GPR107: variants seen among roughly 807,000 people sequenced by gnomAD.
The protein encoded by GPR107 is protein GPR107.
Under a neutral mutation model 75.5 loss-of-function variants are expected in GPR107, and 31 were observed. That is an observed-to-expected ratio of 0.41 (90% confidence interval 0.31 to 0.55). GPR107 has a LOEUF of 0.55. Among genes scored for constraint, GPR107 ranks in the 20% least tolerant of loss-of-function variants. The pLI is 0.26. For missense variants in GPR107, 572 were observed against 665.7 expected, an observed-to-expected ratio of 0.86 and a Z score of 1.55; for synonymous variants, 267 against 251.3, an observed-to-expected ratio of 1.06 and a Z score of -0.59.
At chr9:130,105,203 A>G (rs1262095671) in intron 13 of GPR107, among the ~76,000 whole-genome samples, 2 of 152,194 alleles carry the variant, frequency 1.3e-5, no homozygotes, top group African/African-American at 2.4e-5. Flanking sequence ...CTTTTGAAAT[A>G]AATTTTAAAG....
intron 7 of GPR107, among the ~76,000 whole-genome samples, chr9:130,089,450 TTGGA>T (rs1239607335): frequency 6.6e-6 from 1 of 152,156 alleles, no homozygotes; most frequent in Non-Finnish European, 1.5e-5. Context: ...TCTCCCAGTC[TTGGA>T]TGGTGCAGTC....
chr9:130,060,871 C>T (rs986854563), intron 1 of GPR107, among the ~76,000 whole-genome samples: 1 of 152,162 alleles, frequency 6.6e-6, no homozygotes, highest in Non-Finnish European at 1.5e-5. Context: ...TCACTGCTGT[C>T]GAGTGCAGTG....
At chr9:130,100,914 T>C (rs535165467) in intron 11 of GPR107, among the ~76,000 whole-genome samples, 192 bp from the exon 12 acceptor site, 1 of 152,362 alleles carries the variant, frequency 6.6e-6, no homozygotes, top group South Asian at 2.1e-4. Flanking sequence ...GGCCATTGGC[T>C]GTCCAGGCTG....
At chr9:130,133,684 G>A (rs890467053) in intron 17 of GPR107, among the ~76,000 whole-genome samples, 12 of 152,192 alleles carry the variant, frequency 7.9e-5, no homozygotes, top group Admixed American at 6.5e-4. Context: ...CTTCAGCTGA[G>A]GCATTTTCGT....
intron 1 of GPR107, among the ~76,000 whole-genome samples, chr9:130,069,602 T>C (rs942092316): frequency 2.6e-5 from 4 of 152,222 alleles, no homozygotes; most frequent in African/African-American, 7.2e-5. Flanking sequence ...TTATTTGACA[T>C]GACACGATAG....
intron 6 of GPR107, among the ~76,000 whole-genome samples, chr9:130,083,885 A>T (rs1373444675): frequency 6.6e-6 from 1 of 152,030 alleles, no homozygotes; most frequent in Non-Finnish European, 1.5e-5. Flanking sequence ...AGTACTCATG[A>T]TACCTAATAC....
Position 130,104,455 on chromosome 9 carries a change from C to T in GPR107, c.1167C>T (p.Ser389=), listed in dbSNP as rs1212167862. The part of the protein sequence containing the change: ...LANVAYIIIE[S]TEEGTTEYGL... ...ATGTAGCCTACATCATCATAGAGTC[C>T]ACCGAGGAGGGCACGACTGAATATG... The change falls in exon 13 of 18, where the codon TCC becomes TCT. Residue 389 remains serine (S), a synonymous_variant. Coordinates refer to ENST00000347136, the MANE Select transcript of GPR107 (RefSeq NM_020960.5). 1.2e-6 allele frequency: 2 copies of T among 1,613,316 alleles called. No individual in the cohort carries two copies. The highest frequency in any genetic ancestry group is 1.3e-5 in the African/African-American group (1 of 74,926).
At chr9:130,091,472 C>T (rs1830735268) in intron 8 of GPR107, among the ~76,000 whole-genome samples, 1 of 151,038 alleles carries the variant, frequency 6.6e-6, no homozygotes, top group South Asian at 2.1e-4. Flanking sequence ...AAGGGTGAGA[C>T]CCTGTCTCAA....
intron 14 of GPR107, among the ~76,000 whole-genome samples, chr9:130,110,591 A>G (rs775746371): frequency 2.0e-5 from 3 of 152,210 alleles, no homozygotes; most frequent in Non-Finnish European, 4.4e-5. Context: ...TGAGGCTGTG[A>G]GATGCTTTTG....
chr9:130,122,890 A>G (rs1831580485), intron 14 of GPR107, among the ~76,000 whole-genome samples: 1 of 152,044 alleles, frequency 6.6e-6, no homozygotes, highest in Non-Finnish European at 1.5e-5. Flanking sequence ...GGTCCCAGCT[A>G]CTCAGGAGGC....
intron 14 of GPR107, among the ~76,000 whole-genome samples, chr9:130,121,268 C>G (rs1564683115): frequency 6.6e-6 from 1 of 152,154 alleles, no homozygotes. Context: ...CTGGGCCACA[C>G]TGGAAGAATT....
chr9:130,090,865 T>C lies in GPR107; in HGVS notation c.622-11T>C, dbSNP rs376213354. ...TTGGGTACCTTTAAATGTTTTCTTC[T>C]TCACTTTCAGTTTTTCTTTAACATC... On this transcript the variant is annotated splice_polypyrimidine_tract_variant and intron_variant, in intron 7 of 17. Transcript: ENST00000347136. 8.2e-5 allele frequency: 82 copies of C among 1,005,986 alleles called. No homozygotes were observed. Among genetic ancestry groups the C allele is most frequent in the Non-Finnish European group, 1.1e-4 (74 of 648,276 alleles). 62.3% of individuals were successfully genotyped at this position (1,005,986 alleles called of 1,614,324 possible).
At chr9:130,120,330 T>C (rs1221565650) in intron 14 of GPR107, among the ~76,000 whole-genome samples, 1 of 152,210 alleles carries the variant, frequency 6.6e-6, no homozygotes, top group African/African-American at 2.4e-5. Context: ...GTGTCTTGCC[T>C]GAGCCTGGAG....
intron 14 of GPR107, among the ~76,000 whole-genome samples, chr9:130,109,180 T>C (rs1415580564): frequency 6.6e-6 from 1 of 151,632 alleles, no homozygotes; most frequent in Non-Finnish European, 1.5e-5. Flanking sequence ...GGGGATATTC[T>C]TCTTTTTTAA....
chr9:130,061,178 G>A (rs533076236), intron 1 of GPR107, among the ~76,000 whole-genome samples: 27 of 152,266 alleles, frequency 1.8e-4, no homozygotes, highest in African/African-American at 6.5e-4. Flanking sequence ...CAGTGAGCGG[G>A]ACTAAGCCCC....
intron 3 of GPR107, among the ~76,000 whole-genome samples, chr9:130,076,672 G>A (rs1271011385): frequency 2.6e-5 from 4 of 151,734 alleles, no homozygotes; most frequent in African/African-American, 9.7e-5. Context: ...GTGCCACCAC[G>A]CCTGCCTAAT....
chr9:130,102,627 A>T (rs926846856), intron 12 of GPR107, among the ~76,000 whole-genome samples: 14 of 152,192 alleles, frequency 9.2e-5, no homozygotes, highest in African/African-American at 3.1e-4. Flanking sequence ...AGTGACAGAA[A>T]GTTTCTAAGT....
intron 17 of GPR107, among the ~76,000 whole-genome samples, chr9:130,134,394 C>T (rs1444569744): frequency 6.6e-6 from 1 of 152,224 alleles, no homozygotes; most frequent in African/African-American, 2.4e-5. Context: ...ATGGGGCCTC[C>T]TCAGAGCCAG....
intron 5 of GPR107, 54 bp from the exon 6 acceptor site, chr9:130,083,511 T>C (rs1044248962): frequency 2.8e-6 from 3 of 1,085,388 alleles, no homozygotes; most frequent in East Asian, 5.6e-5. Flanking sequence ...AATATATATA[T>C]GTATCTGTAA....
Sources: gnomAD v4.1 joint callset for allele counts (sites outside exome capture counted in the v4.1 genomes callset) on GRCh38, gnomAD v4.1.1 for gene constraint, MANE v1.5 for transcripts, NCBI Gene and HGNC (gene_info 2026-07-23, HGNC 2026-07-21) for gene names.